Variants in BAIAP2L2 observed in about 807,000 individuals in gnomAD.
BAIAP2L2 encodes the protein BAR/IMD domain-containing adapter protein 2-like 2.
BAIAP2L2 carries 65 observed loss-of-function variants against 60.4 expected under a neutral mutation model. The observed-to-expected ratio is 1.08, with a 90% CI of 0.88 to 1.32. BAIAP2L2 has a LOEUF of 1.32. Among genes scored for constraint, BAIAP2L2 ranks in the 40% most tolerant of loss-of-function variants. The probability of loss-of-function intolerance (pLI) is 0.00; values close to 1 mark genes in which losing one functional copy is unlikely to be tolerated. For synonymous variants in BAIAP2L2, 344 were observed against 301.7 expected (o/e 1.14, Z -1.45); for missense variants, 836 against 741.2 (o/e 1.13, Z -1.48).
At chr22:38,107,471 C>T (rs909312037) in intron 4 of BAIAP2L2, among the ~76,000 whole-genome samples, 1 of 152,070 alleles carries the variant, frequency 6.6e-6, no homozygotes, top group Non-Finnish European at 1.5e-5. Context: ...GCAGTGGGGC[C>T]GTGGAACGGT....
At chr22:38,094,077 C>G in intron 7 of BAIAP2L2, 7 of 447,644 alleles carry the variant, frequency 1.6e-5, no homozygotes, top group South Asian at 1.1e-4. Flanking sequence ...TTGTATGATT[C>G]TGTTTATATG....
At chr22:38,106,757 C>T (rs1005365484) in intron 4 of BAIAP2L2, among the ~76,000 whole-genome samples, 10 of 152,160 alleles carry the variant, frequency 6.6e-5, no homozygotes, top group African/African-American at 9.7e-5. Context: ...GCCTGCTGCC[C>T]GCTCATGGCT....
intron 4 of BAIAP2L2, among the ~76,000 whole-genome samples, chr22:38,104,602 TCTC>T (rs1246257652): frequency 1.3e-5 from 2 of 151,660 alleles, no homozygotes; most frequent in Non-Finnish European, 2.9e-5. Context: ...TTCACGCCAT[TCTC>T]CTGCCTCAGC....
chr22:38,089,564 C>G lies in BAIAP2L2; in HGVS notation c.723G>C (p.Pro241=), dbSNP rs1373487232. ...GCGTCAGGCGGCCCGAGGGGTAGGGCGGCCCCAGCGCGGGGCCCAGCAGGC... is the reference window on the plus strand; with the variant it reads ...GCGTCAGGCGGCCCGAGGGGTAGGGGGGCCCCAGCGCGGGGCCCAGCAGGC... ...SPGLLGPALG[P]PYPSGRLTPT... Residue 241 remains proline (P), a synonymous_variant, in exon 8 of 14, where the codon CCG becomes CCC. Coordinates refer to ENST00000381669, the MANE Select transcript of BAIAP2L2 (RefSeq NM_025045.6). 1 of 1,229,804 alleles carries G rather than the reference C, an allele frequency of 8.1e-7. No individual in the cohort carries two copies. Among genetic ancestry groups the G allele is most frequent in the Non-Finnish European group, 1.0e-6 (1 of 987,848 alleles). 76.2% of individuals were successfully genotyped at this position (1,229,804 alleles called of 1,614,324 possible). A position where few individuals can be genotyped will look rare whatever the true frequency, so the allele number is the denominator to read the frequency against.
At chr22:38,093,182 A>AT (rs1237636572) in intron 7 of BAIAP2L2, among the ~76,000 whole-genome samples, 1 of 150,762 alleles carries the variant, frequency 6.6e-6, no homozygotes, top group Non-Finnish European at 1.5e-5. Context: ...AAAAAGAAAA[A>AT]AGAAAGAGTG....
intron 4 of BAIAP2L2, among the ~76,000 whole-genome samples, chr22:38,099,779 C>T (rs1400143401): frequency 6.6e-6 from 1 of 152,190 alleles, no homozygotes. Context: ...GAGGCCCTCC[C>T]GCCTCTGCGC....
chr22:38,098,221 C>T, intron 5 of BAIAP2L2, 42 bp from the exon 6 acceptor site: 12 of 1,597,978 alleles, frequency 7.5e-6, no homozygotes, highest in Non-Finnish European at 1.0e-5. Context: ...CCCCCCACAT[C>T]AGAGAGCTCA....
chr22:38,106,920 C>G lies in BAIAP2L2; in HGVS notation c.276+932G>C, dbSNP rs4296527. Among the ~76,000 whole-genome samples, 73 of 151,962 alleles carry G rather than the reference C, an allele frequency of 4.8e-4. 1 individual carries two copies. Among genetic ancestry groups the G allele is most frequent in the African/African-American group, 1.7e-3 (69 of 41,366 alleles). On this transcript the variant is annotated intron_variant, in intron 4 of 13. Coordinates refer to ENST00000381669, the MANE Select transcript of BAIAP2L2 (RefSeq NM_025045.6). ...ACGGAGAGGAAGGAAGGCTCTGCGG[C>G]GCTCCCAGTCTTGGGAGGGATAGGG...
At chr22:38,091,969 G>A (rs1347844068) in intron 7 of BAIAP2L2, among the ~76,000 whole-genome samples, 1 of 152,086 alleles carries the variant, frequency 6.6e-6, no homozygotes, top group Admixed American at 6.6e-5. Context: ...AATTAGCCAA[G>A]ATCAGAAAGT....
chr22:38,110,747 G>A (rs1197285997), upstream of BAIAP2L2: 4 of 539,936 alleles, frequency 7.4e-6, no homozygotes. Context: ...AGATCCGGCA[G>A]GGAAGGCATC....
rs189784723 is a variant in BAIAP2L2, at chr22:38,090,356, C to T, written c.613-682G>A. On this transcript the variant is annotated intron_variant, in intron 7 of 13. Coordinates refer to ENST00000381669, the MANE Select transcript of BAIAP2L2 (RefSeq NM_025045.6). ...AAACTCCTGACCTCAGGTGATCTGC[C>T]TGCCCTCGGACTCCCAAAGTGCTGG... is the stretch of plus-strand genomic sequence containing the variant. 4.1e-3 allele frequency: 628 copies of T among 152,232 alleles called. 2 individuals are homozygous for T. Among genetic ancestry groups the T allele is most frequent in the Non-Finnish European group, 6.7e-3 (453 of 68,048 alleles). The allele number at this position is 152,232 out of a possible 1,614,324, so 9.4% of individuals were successfully genotyped here. A position where few individuals can be genotyped will look rare whatever the true frequency, so the allele number is the denominator to read the frequency against.
At position 38,085,291 on chromosome 22, in the gene BAIAP2L2, G is replaced by A. The variant is rs758009097; in HGVS notation, c.*9C>T. ...AGGTGCACTGTGGGGTACGACCTCG[G>A]ACCCCGCCTCAGCGGATGAGGGGTG... On this transcript the variant is annotated 3_prime_UTR_variant, in exon 14 of 14. Transcript: ENST00000381669. 1 of 1,613,358 alleles carries A rather than the reference G, an allele frequency of 6.2e-7. No homozygotes were observed. The highest frequency in any genetic ancestry group is 8.5e-7 in the Non-Finnish European group (1 of 1,179,408).
intron 7 of BAIAP2L2, among the ~76,000 whole-genome samples, chr22:38,092,582 G>A (rs1480996793): frequency 6.6e-6 from 1 of 151,994 alleles, no homozygotes; most frequent in African/African-American, 2.4e-5. Context: ...CACCCCAAAT[G>A]TGCCTTCTAC....
At position 38,084,998 on chromosome 22, in the gene BAIAP2L2, G is replaced by A; in HGVS notation, c.*302C>T. On this transcript the variant is annotated 3_prime_UTR_variant, in exon 14 of 14. Coordinates refer to ENST00000381669, the MANE Select transcript of BAIAP2L2 (RefSeq NM_025045.6). ...GGTACAAGGGGCTCCTCCCCACGGG[G>A]GCAGAAAAGGGGGAAAGAGGTTAGG... 2.9e-6 allele frequency: 1 copy of A among 347,782 alleles called. No individual in the cohort carries two copies. The highest frequency in any genetic ancestry group is 3.2e-5 in the South Asian group (1 of 31,606). 21.5% of individuals were successfully genotyped at this position (347,782 alleles called of 1,614,324 possible). A position where few individuals can be genotyped will look rare whatever the true frequency, so the allele number is the denominator to read the frequency against.
At chr22:38,101,431 T>C (rs1382744672) in intron 4 of BAIAP2L2, among the ~76,000 whole-genome samples, 1 of 134,266 alleles carries the variant, frequency 7.4e-6, no homozygotes, top group Non-Finnish European at 1.5e-5. Context: ...CCTGTGGTCC[T>C]AGCTACTTGG....
chr22:38,087,668 C>G (rs567409143), intron 10 of BAIAP2L2, among the ~76,000 whole-genome samples: 1 of 152,066 alleles, frequency 6.6e-6, no homozygotes, highest in Non-Finnish European at 1.5e-5. Flanking sequence ...GACCCCCTTC[C>G]GTTCCTGTCC....
intron 4 of BAIAP2L2, among the ~76,000 whole-genome samples, chr22:38,100,688 T>C (rs895201763): frequency 2.4e-4 from 36 of 152,196 alleles, no homozygotes; most frequent in African/African-American, 8.7e-4. Context: ...AGAAGCTAAG[T>C]AGATGTTGGT....
chr22:38,110,478 G>C lies in BAIAP2L2; in HGVS notation c.48C>G (p.Tyr16Ter), dbSNP rs754145832. 3 of 1,612,066 alleles carry C rather than the reference G, an allele frequency of 1.9e-6. No individual in the cohort carries two copies. Among genetic ancestry groups the C allele is most frequent in the Non-Finnish European group, 2.5e-6 (3 of 1,179,240 alleles). Residue 16 changes from tyrosine (Y) to a stop codon, truncating the protein, a stop_gained, in exon 1 of 14, where the codon TAC becomes TAG. Coordinates refer to ENST00000381669, the MANE Select transcript of BAIAP2L2 (RefSeq NM_025045.6). LOFTEE classifies it high-confidence loss of function. ...GCTTGGCCACCCATGTGCTCACCTTGTAGATGGCCATGGTGGACCTGTAGA... is the reference window on the plus strand; with the variant it reads ...GCTTGGCCACCCATGTGCTCACCTTCTAGATGGCCATGGTGGACCTGTAGA... The part of the protein sequence containing the change: ...DQFYRSTMAI[Y>*]KSIMEQFNPA...
intron 7 of BAIAP2L2, among the ~76,000 whole-genome samples, chr22:38,094,433 G>A (rs546383978): frequency 2.0e-5 from 3 of 152,166 alleles, no homozygotes; most frequent in Admixed American, 6.5e-5. Flanking sequence ...TGATCCACCC[G>A]CCTCGGCCTC....
Sources: gnomAD v4.1 joint callset for allele counts (sites outside exome capture counted in the v4.1 genomes callset) on GRCh38, gnomAD v4.1.1 for gene constraint, MANE v1.5 for transcripts, NCBI Gene and HGNC (gene_info 2026-07-23, HGNC 2026-07-21) for gene names.